GALNTL6: variants seen among roughly 807,000 people sequenced by gnomAD.
GALNTL6 encodes the protein polypeptide N-acetylgalactosaminyltransferase like 6.
GALNTL6 carries 46 observed loss-of-function variants against 73.7 expected under a neutral mutation model. That is an observed-to-expected ratio of 0.62 (90% CI 0.49 to 0.80). The LOEUF is 0.80. Ranked by LOEUF, GALNTL6 falls within the 30% of genes least tolerant of loss-of-function variation. The pLI is 0.00. For missense variants in GALNTL6, 604 were observed against 755.0 expected (o/e 0.80, Z 2.34); for synonymous variants, 259 against 263.7 (o/e 0.98, Z 0.17).
chr4:173,030,837 C>CAA (rs34361684), intron 12 of GALNTL6, among the ~76,000 whole-genome samples: 2,015 of 111,856 alleles, frequency 0.018, 28 homozygotes, highest in Middle Eastern at 0.029. Context: ...CTGTCTCTAC[C>CAA]AAAAAAAAAA....
intron 2 of GALNTL6, among the ~76,000 whole-genome samples, chr4:171,946,742 A>T (rs180872754): frequency 6.6e-6 from 1 of 152,290 alleles, no homozygotes; most frequent in African/African-American, 2.4e-5. Context: ...GTGAAGAGTC[A>T]TGAGGGAAAC....
At chr4:172,287,298 A>C (rs1471642952) in intron 3 of GALNTL6, among the ~76,000 whole-genome samples, 1 of 152,170 alleles carries the variant, frequency 6.6e-6, no homozygotes, top group African/African-American at 2.4e-5. Context: ...TCCCTAGCCC[A>C]TGCAACTAGG....
At chr4:172,527,077 C>A (rs1239151945) in intron 5 of GALNTL6, among the ~76,000 whole-genome samples, 1 of 152,116 alleles carries the variant, frequency 6.6e-6, no homozygotes, top group Non-Finnish European at 1.5e-5. Flanking sequence ...TGTGTAATTA[C>A]ATACAGTATA....
At chr4:171,996,835 A>G (rs1473467871) in intron 2 of GALNTL6, among the ~76,000 whole-genome samples, 2 of 152,186 alleles carry the variant, frequency 1.3e-5, no homozygotes, top group African/African-American at 4.8e-5. Context: ...CACGGGTTGA[A>G]CAAGCTTGCT....
At chr4:171,847,502 T>C (rs565156999) in intron 2 of GALNTL6, among the ~76,000 whole-genome samples, 1 of 152,306 alleles carries the variant, frequency 6.6e-6, no homozygotes, top group East Asian at 1.9e-4. Flanking sequence ...TTGATGGACT[T>C]GTCCTTTCAC....
chr4:172,036,146 A>C (rs1461417101), intron 2 of GALNTL6, among the ~76,000 whole-genome samples: 1 of 152,096 alleles, frequency 6.6e-6, no homozygotes, highest in East Asian at 1.9e-4. Flanking sequence ...CATAAATCAC[A>C]CATGTATGTG....
At chr4:173,009,137 C>T (rs778750154) in intron 10 of GALNTL6, 41 bp from the exon 11 acceptor site, 42 of 1,330,390 alleles carry the variant, frequency 3.2e-5, no homozygotes, top group South Asian at 2.7e-4. Flanking sequence ...TGATAAAATA[C>T]GACATAGCCC....
chr4:172,283,135 A>G (rs1037488688), intron 3 of GALNTL6, among the ~76,000 whole-genome samples: 1 of 152,218 alleles, frequency 6.6e-6, no homozygotes, highest in Non-Finnish European at 1.5e-5. Context: ...AGAGTTCAGA[A>G]TACAGATAGG....
intron 2 of GALNTL6, among the ~76,000 whole-genome samples, chr4:171,870,757 A>G (rs1015014252): frequency 3.9e-5 from 6 of 152,182 alleles, no homozygotes; most frequent in African/African-American, 4.8e-5. Context: ...GCAGACAGAC[A>G]CATACTGGAG....
At chr4:172,701,817 GT>G (rs1734046514) in intron 5 of GALNTL6, among the ~76,000 whole-genome samples, 1 of 151,894 alleles carries the variant, frequency 6.6e-6, no homozygotes, top group Non-Finnish European at 1.5e-5. Context: ...ATTCATAAGT[GT>G]TCATTTCTCT....
chr4:172,758,302 A>C (rs1375705506), intron 5 of GALNTL6, among the ~76,000 whole-genome samples: 1 of 152,200 alleles, frequency 6.6e-6, no homozygotes, highest in Non-Finnish European at 1.5e-5. Context: ...TGAGAGGCCA[A>C]GGCAGGTGGA....
intron 5 of GALNTL6, among the ~76,000 whole-genome samples, chr4:172,531,404 CT>C (rs1735164687): frequency 6.6e-6 from 1 of 152,200 alleles, no homozygotes; most frequent in South Asian, 2.1e-4. Context: ...TTTTATATCA[CT>C]TGTCCTACCC....
At chr4:172,789,611 C>T (rs1177760219) in intron 5 of GALNTL6, among the ~76,000 whole-genome samples, 1 of 151,884 alleles carries the variant, frequency 6.6e-6, no homozygotes, top group Non-Finnish European at 1.5e-5. Context: ...CTTCTGTGCC[C>T]TCCCGGGGTG....
chr4:172,669,390 A>C (rs1293743674), intron 5 of GALNTL6, among the ~76,000 whole-genome samples: 3 of 152,210 alleles, frequency 2.0e-5, no homozygotes, highest in African/African-American at 7.2e-5. Flanking sequence ...TCACATATGC[A>C]TCGTCTAAGT....
At chr4:172,963,114 C>T (rs980419965) in intron 10 of GALNTL6, among the ~76,000 whole-genome samples, 6 of 152,134 alleles carry the variant, frequency 3.9e-5, no homozygotes, top group Non-Finnish European at 8.8e-5. Context: ...TTCCTCCTCT[C>T]AGGGCCCACT....
chr4:172,134,175 A>G (rs986476717), intron 2 of GALNTL6, among the ~76,000 whole-genome samples: 1 of 152,232 alleles, frequency 6.6e-6, no homozygotes, highest in Admixed American at 6.5e-5. Context: ...CGAGGTCAGG[A>G]GGTCGAGACC....
At chr4:172,881,592 G>A (rs1457853944) in intron 7 of GALNTL6, among the ~76,000 whole-genome samples, 1 of 152,166 alleles carries the variant, frequency 6.6e-6, no homozygotes, top group Non-Finnish European at 1.5e-5. Context: ...CCAAGACTAA[G>A]TTCTCAGTTG....
chr4:171,995,367 A>G (rs192764706), intron 2 of GALNTL6, among the ~76,000 whole-genome samples: 1 of 152,152 alleles, frequency 6.6e-6, no homozygotes, highest in East Asian at 1.9e-4. Flanking sequence ...AACAGTGAGC[A>G]AAAGATGCAG....
At chr4:172,747,426 T>C (rs988171055) in intron 5 of GALNTL6, among the ~76,000 whole-genome samples, 1 of 152,068 alleles carries the variant, frequency 6.6e-6, no homozygotes, top group African/African-American at 2.4e-5. Context: ...ATGTTCAAGA[T>C]AGCTAATTAT....
Sources: allele counts gnomAD v4.1 joint callset (sites outside exome capture counted in the v4.1 genomes callset), GRCh38; gene constraint gnomAD v4.1.1; transcripts MANE v1.5; gene names NCBI Gene and HGNC (gene_info 2026-07-23, HGNC 2026-07-21).